MAST4: variants seen among roughly 807,000 people sequenced by gnomAD.
MAST4 encodes the protein microtubule associated serine/threonine kinase family member 4.
A neutral mutation model predicts 162.7 loss-of-function variants in MAST4; 89 were observed. That is an observed-to-expected ratio of 0.55 (90% CI 0.46 to 0.65). The LOEUF (loss-of-function observed/expected upper bound fraction) is 0.65. Ranked by LOEUF, MAST4 falls within the 30% of genes least tolerant of loss-of-function variation. The pLI is 0.00. For synonymous variants in MAST4, 1,479 were observed against 1,361.1 expected (o/e 1.09, Z -1.91); for missense variants, 3,153 against 3,374.0 (o/e 0.93, Z 1.62).
chr5:67,069,312 A>ATATATATAT (rs1561606003), intron 5 of MAST4, among the ~76,000 whole-genome samples: 22 of 133,988 alleles, frequency 1.6e-4, no homozygotes, highest in African/African-American at 2.7e-4. Context: ...ATATATATAT[A>ATATATATAT]AAATTTTAAA....
intron 2 of MAST4, among the ~76,000 whole-genome samples, chr5:66,782,590 C>T (rs1360041043): frequency 2.0e-5 from 3 of 152,166 alleles, no homozygotes; most frequent in African/African-American, 7.2e-5. Flanking sequence ...TATTTATTGC[C>T]TCTAAATTTC....
intron 1 of MAST4, among the ~76,000 whole-genome samples, chr5:66,685,368 GTTC>G (rs1748590135): frequency 2.0e-5 from 3 of 152,048 alleles, no homozygotes; most frequent in African/African-American, 7.2e-5. Context: ...AGTCAAATGA[GTTC>G]TTCACAGATA....
At chr5:67,152,498 C>G (rs772764452) in intron 24 of MAST4, 139 bp from the exon 25 acceptor site, 19 of 668,628 alleles carry the variant, frequency 2.8e-5, no homozygotes, top group Non-Finnish European at 4.5e-5. Flanking sequence ...ATTATTTCAT[C>G]TTCATTTTGC....
At chr5:66,723,945 C>T (rs1254492368) in intron 1 of MAST4, among the ~76,000 whole-genome samples, 1 of 152,092 alleles carries the variant, frequency 6.6e-6, no homozygotes. Flanking sequence ...TGCTGGACTA[C>T]CTCACTATAC....
chr5:66,797,819 G>C (rs1334500400), intron 3 of MAST4, among the ~76,000 whole-genome samples: 1 of 152,126 alleles, frequency 6.6e-6, no homozygotes, highest in African/African-American at 2.4e-5. Flanking sequence ...GTGATGGGTG[G>C]GGAGTGGTAG....
intron 3 of MAST4, among the ~76,000 whole-genome samples, chr5:66,883,071 T>A (rs891742330): frequency 1.3e-5 from 2 of 152,144 alleles, no homozygotes; most frequent in African/African-American, 2.4e-5. Context: ...GCTAAGGACA[T>A]AAATAAACCT....
At chr5:66,984,226 G>A (rs573585849) in intron 4 of MAST4, among the ~76,000 whole-genome samples, 1 of 152,110 alleles carries the variant, frequency 6.6e-6, no homozygotes, top group Admixed American at 6.5e-5. Context: ...AGTGGCATGC[G>A]AGCTGGAACT....
chr5:66,609,432 C>T (rs1579979060), intron 1 of MAST4, among the ~76,000 whole-genome samples: 1 of 148,804 alleles, frequency 6.7e-6, no homozygotes, highest in African/African-American at 2.5e-5. Flanking sequence ...CTCTGTTTCC[C>T]AGACTGAAGT....
intron 2 of MAST4, among the ~76,000 whole-genome samples, chr5:66,787,438 T>G (rs1033536253): frequency 1.3e-5 from 2 of 152,234 alleles, no homozygotes; most frequent in African/African-American, 4.8e-5. Context: ...GCACTTGACT[T>G]AAATAAAGCA....
intron 23 of MAST4, among the ~76,000 whole-genome samples, chr5:67,148,553 G>A (rs1221064859): frequency 6.6e-6 from 1 of 152,062 alleles, no homozygotes; most frequent in Non-Finnish European, 1.5e-5. Flanking sequence ...GTTGAGGGAA[G>A]CCCTAATTTT....
chr5:66,694,622 G>A (rs1749276647), intron 1 of MAST4, among the ~76,000 whole-genome samples: 1 of 152,072 alleles, frequency 6.6e-6, no homozygotes, highest in Admixed American at 6.6e-5. Flanking sequence ...GAGTAGCTGG[G>A]ACTACAGGCG....
chr5:66,887,712 C>T (rs1762126777), intron 3 of MAST4, among the ~76,000 whole-genome samples: 1 of 152,158 alleles, frequency 6.6e-6, no homozygotes, highest in African/African-American at 2.4e-5. Flanking sequence ...GTAAGGCTTA[C>T]ATGAAATCCT....
chr5:67,118,295 A>G (rs561104902), intron 12 of MAST4, among the ~76,000 whole-genome samples: 7 of 152,282 alleles, frequency 4.6e-5, no homozygotes, highest in South Asian at 2.1e-4. Context: ...ATCATTCCCT[A>G]GTTGTTGTCG....
chr5:67,081,026 TTA>T (rs1762560503), intron 5 of MAST4, among the ~76,000 whole-genome samples: 1 of 135,222 alleles, frequency 7.4e-6, no homozygotes, highest in African/African-American at 2.9e-5. Flanking sequence ...ATTGTATATA[TTA>T]TATAATATAA....
At chr5:66,982,149 C>T (rs987534434) in intron 4 of MAST4, among the ~76,000 whole-genome samples, 1 of 152,172 alleles carries the variant, frequency 6.6e-6, no homozygotes. Flanking sequence ...GGCCAGGATC[C>T]AGTCTGCTCC....
chr5:67,052,202 T>C lies in MAST4; in HGVS notation c.675-2202T>C, dbSNP rs1045835701. Among the ~76,000 whole-genome samples the C allele has an allele frequency of 3.9e-5, 6 of 152,196 alleles. No individual in the cohort carries two copies. In the East Asian group the frequency reaches 1.2e-3, roughly 29 times the overall value. Reference sequence around the variant, plus strand: ...GATGAAATAGCCTGTTTTCTTTCACTCTACATTGCATTCATAATGAATCAT... The same window carrying C: ...GATGAAATAGCCTGTTTTCTTTCACCCTACATTGCATTCATAATGAATCAT... On this transcript the variant is annotated intron_variant, in intron 4 of 28. Transcript: ENST00000403625.
intron 4 of MAST4, among the ~76,000 whole-genome samples, chr5:66,960,081 GACAA>G (rs1745825194): frequency 1.3e-5 from 2 of 152,156 alleles, no homozygotes; most frequent in African/African-American, 4.8e-5. Flanking sequence ...AAATCCGGTA[GACAA>G]ACATAAATAT....
At chr5:66,939,005 G>A (rs529785354) in intron 4 of MAST4, among the ~76,000 whole-genome samples, 44 of 152,208 alleles carry the variant, frequency 2.9e-4, no homozygotes, top group African/African-American at 1.0e-3. Context: ...AAAAACATGT[G>A]ACCAAAAGAC....
At chr5:66,730,522 G>GCC (rs1294889306) in intron 1 of MAST4, among the ~76,000 whole-genome samples, 2 of 152,142 alleles carry the variant, frequency 1.3e-5, no homozygotes, top group Admixed American at 1.3e-4. Context: ...AAATGTGATA[G>GCC]CTCATTATAA....
Sources: gnomAD v4.1 joint callset for allele counts (sites outside exome capture counted in the v4.1 genomes callset) on GRCh38, gnomAD v4.1.1 for gene constraint, MANE v1.5 for transcripts, NCBI Gene and HGNC (gene_info 2026-07-23, HGNC 2026-07-21) for gene names.